TRA2B: variants seen among roughly 807,000 people sequenced by gnomAD.
TRA2B encodes transformer 2 beta homolog.
A neutral mutation model predicts 41.7 loss-of-function variants in TRA2B; 14 were observed. The observed-to-expected ratio is 0.34, with a 90% confidence interval of 0.22 to 0.53. The LOEUF is 0.53. Among genes scored for constraint, TRA2B ranks in the 20% least tolerant of loss-of-function variants. The pLI, the probability that TRA2B is intolerant of heterozygous loss-of-function variation, is 0.95. For synonymous variants in TRA2B, 130 were observed against 128.8 expected (o/e 1.01, Z -0.06); for missense variants, 167 against 396.8 (o/e 0.42, Z 4.92).
At chr3:185,919,195 TAAC>T (rs2150111463) in intron 7 of TRA2B, among the ~76,000 whole-genome samples, 1 of 26,960 alleles carries the variant, frequency 3.7e-5, no homozygotes, top group East Asian at 1.8e-3. Flanking sequence ...TATCAGTGAC[TAAC>T]ATCACTGTAC....
intron 5 of TRA2B, among the ~76,000 whole-genome samples, chr3:185,921,662 G>A (rs900584581): frequency 7.9e-5 from 12 of 152,170 alleles, no homozygotes; most frequent in African/African-American, 2.4e-4. Context: ...TACTCGGGAG[G>A]CTGAGGCAGG....
chr3:185,931,904 T>C (rs953013499), intron 1 of TRA2B: 52 of 1,249,656 alleles, frequency 4.2e-5, no homozygotes, highest in Non-Finnish European at 4.8e-5. Context: ...CAGGATAAAA[T>C]CCAGTGCCAA....
intron 1 of TRA2B, 122 bp from the exon 2 acceptor site, chr3:185,926,856 A>ATATTCAGTTCCTGCCCTT: frequency 8.1e-7 from 1 of 1,232,802 alleles, no homozygotes; most frequent in Non-Finnish European, 1.1e-6. Context: ...AAATATAGGT[A>ATATTCAGTTCCTGCCCTT]AGGGCAGGAA....
At position 185,923,982 on chromosome 3, in the gene TRA2B, T is replaced by C. The variant is rs146878928; in HGVS notation, c.336A>G (p.Ala112=). Residue 112 remains alanine (A), a splice_region_variant and synonymous_variant, in exon 4 of 9, where the codon GCA becomes GCG. Coordinates refer to ENST00000453386, the MANE Select transcript of TRA2B (RefSeq NM_004593.3). ...STRRRHVGNR[A]NPDPNCCLGV... ...CAAGACAACAGTTAGGATCAGGATTTGCCTAGGGAAAAAAAAAAGTTTTAA... is the reference window on the plus strand; with the variant it reads ...CAAGACAACAGTTAGGATCAGGATTCGCCTAGGGAAAAAAAAAAGTTTTAA... 19 of 1,578,858 alleles carry C rather than the reference T, an allele frequency of 1.2e-5. No individual in the cohort carries two copies. In the African/African-American group the frequency reaches 2.5e-4, roughly 21 times the overall value.
intron 1 of TRA2B, among the ~76,000 whole-genome samples, chr3:185,929,640 T>G (rs1744075269): frequency 6.6e-6 from 1 of 152,084 alleles, no homozygotes; most frequent in African/African-American, 2.4e-5. Flanking sequence ...AACAAAATAA[T>G]CCACATCTCC....
At chr3:185,934,434 A>G in intron 1 of TRA2B, 1 of 985,434 alleles carries the variant, frequency 1.0e-6, no homozygotes, top group Non-Finnish European at 1.2e-6. Flanking sequence ...CTTACCTTAT[A>G]AAATCACCTG....
intron 1 of TRA2B, among the ~76,000 whole-genome samples, chr3:185,932,537 A>G (rs1438784242): frequency 6.6e-6 from 1 of 152,104 alleles, no homozygotes; most frequent in East Asian, 1.9e-4. Flanking sequence ...AGCAGAACAA[A>G]CTTGAATCCA....
Position 185,923,881 on chromosome 3 carries a change from T to TCGGC in TRA2B, c.433_436dup (p.Asp146GlyfsTer8). ...CTGCTGGTCATATACAATAGACACA[T>TCGGC]CGGCAATGGGACCATATTTAGAGAA... is the stretch of plus-strand genomic sequence containing the variant. On this transcript the variant is annotated frameshift_variant, in exon 4 of 9. Transcript: ENST00000453386. LOFTEE classifies it high-confidence loss of function. 1 of 1,614,126 alleles carries TCGGC rather than the reference T, an allele frequency of 6.2e-7. No individual in the cohort carries two copies. The highest frequency in any genetic ancestry group is 8.5e-7 in the Non-Finnish European group (1 of 1,180,008).
At chr3:185,926,437 C>T (rs1388879649) in intron 2 of TRA2B, among the ~76,000 whole-genome samples, 164 bp downstream of exon 2, 1 of 152,214 alleles carries the variant, frequency 6.6e-6, no homozygotes, top group African/African-American at 2.4e-5. Flanking sequence ...AGCCCAGGCT[C>T]TTAACCGCTT....
chr3:185,927,236 G>A (rs779141067), intron 1 of TRA2B: 2 of 152,268 alleles, frequency 1.3e-5, no homozygotes, highest in Non-Finnish European at 2.9e-5. Context: ...AAGAGATAAA[G>A]ATGATGATCT....
At chr3:185,919,294 A>C (rs954293466) in intron 7 of TRA2B, 143 bp downstream of exon 7, 6 of 577,616 alleles carry the variant, frequency 1.0e-5, no homozygotes, top group African/African-American at 1.9e-5. Flanking sequence ...TTATACATTT[A>C]GTTTCCGTTA....
At position 185,921,188 on chromosome 3, in the gene TRA2B, C is replaced by T; in HGVS notation, c.639-1G>A. 1 of 1,613,888 alleles carries T rather than the reference C, an allele frequency of 6.2e-7. No individual in the cohort carries two copies. The highest frequency in any genetic ancestry group is 1.7e-5 in the Admixed American group (1 of 59,994). On this transcript the variant is annotated splice_acceptor_variant, in intron 5 of 8. Coordinates refer to ENST00000453386, the MANE Select transcript of TRA2B (RefSeq NM_004593.3). LOFTEE classifies it high-confidence loss of function. ...GTAATCCCGACGGCGAGAGCTGCCA[C>T]TATGAAGAAAAAAATATTCAGGTGA...
At chr3:185,936,993 G>T (rs1168144744) in intron 1 of TRA2B, 1 of 985,206 alleles carries the variant, frequency 1.0e-6, no homozygotes, top group Non-Finnish European at 1.2e-6. Flanking sequence ...CAAAACAAAG[G>T]AAATAACGGC....
At chr3:185,926,760 T>A (rs758192099) in intron 1 of TRA2B, 26 bp from the exon 2 acceptor site, 1 of 1,612,244 alleles carries the variant, frequency 6.2e-7, no homozygotes, top group Admixed American at 1.7e-5. Context: ...AAAAGTTTAA[T>A]TTGCACACTT....
At chr3:185,925,121 T>C (rs181066426) in intron 3 of TRA2B, 64 of 158,706 alleles carry the variant, frequency 4.0e-4, no homozygotes, top group Admixed American at 1.9e-3. Context: ...AGCATCTAAC[T>C]AGGTTTATGC....
Position 185,925,572 on chromosome 3 carries a change from G to A in TRA2B, c.225C>T (p.Ser75=). 1 of 1,614,120 alleles carries A rather than the reference G, an allele frequency of 6.2e-7. No homozygotes were observed. Among genetic ancestry groups the A allele is most frequent in the Non-Finnish European group, 8.5e-7 (1 of 1,180,006 alleles). The change falls in exon 3 of 9, where the codon TCC becomes TCT. Residue 75 remains serine (S), a synonymous_variant. Coordinates refer to ENST00000453386, the MANE Select transcript of TRA2B (RefSeq NM_004593.3). ...TGCTACGTGATCGTCTATGGGAGCG[G>A]GAGCGAGACCGTGACCGGGTATAAT... The part of the protein sequence containing the change: ...RRHYTRSRSR[S]RSHRRSRSRS...
intron 8 of TRA2B, 71 bp from the exon 9 acceptor site, chr3:185,917,796 AT>A: frequency 1.3e-6 from 2 of 1,513,954 alleles, no homozygotes; most frequent in Non-Finnish European, 1.8e-6. Context: ...AATGCCGAGA[AT>A]TTCAGAATAT....
intron 1 of TRA2B, chr3:185,934,950 C>G: frequency 1.0e-6 from 1 of 985,384 alleles, no homozygotes; most frequent in African/African-American, 1.7e-5. Context: ...ATCAGTGTCT[C>G]CTTAGTTTCT....
In TRA2B at chr3:185,916,968, G is replaced by C. The variant is rs1032902496; in HGVS notation, c.*747C>G. The stretch of plus-strand genomic sequence containing the variant: ...GAAGAACAAGAGTGTATTTGTGGTG[G>C]AATGTATTGTCACTTGCTGATAACT... On this transcript the variant is annotated 3_prime_UTR_variant, in exon 9 of 9. Transcript: ENST00000453386. 1 of 152,608 alleles carries C rather than the reference G, an allele frequency of 6.6e-6. No homozygotes were observed. The highest frequency in any genetic ancestry group is 6.5e-5 in the Admixed American group (1 of 15,270). The allele number at this position is 152,608 out of a possible 1,614,324, so 9.5% of individuals were successfully genotyped here.
Sources: allele counts gnomAD v4.1 joint callset (sites outside exome capture counted in the v4.1 genomes callset), GRCh38; gene constraint gnomAD v4.1.1; transcripts MANE v1.5; gene names NCBI Gene and HGNC (gene_info 2026-07-23, HGNC 2026-07-21).